CIMIP4: variants seen among roughly 807,000 people sequenced by gnomAD.
CIMIP4 encodes protein EAN57.
chr22:36,996,836 A>G, the CIMIP4 span, among the ~76,000 whole-genome samples: 3 of 152,356 alleles, frequency 2.0e-5, no homozygotes, highest in South Asian at 4.1e-4. Context: ...ACCAATGGAC[A>G]GAATAGAGCC....
chr22:36,995,912 T>C, the CIMIP4 span, among the ~76,000 whole-genome samples: 1 of 152,196 alleles, frequency 6.6e-6, no homozygotes, highest in Non-Finnish European at 1.5e-5. Flanking sequence ...GATGTAATGT[T>C]AGAATCAAGA....
At chr22:37,004,693 CT>C in the CIMIP4 span, among the ~76,000 whole-genome samples, 89 of 145,994 alleles carry the variant, frequency 6.1e-4, no homozygotes, top group Middle Eastern at 3.5e-3. Flanking sequence ...TGTGATCTTT[CT>C]TTTTTTTTTT....
chr22:36,991,609 G>T, the CIMIP4 span: 1 of 1,610,506 alleles, frequency 6.2e-7, no homozygotes, highest in Non-Finnish European at 8.5e-7. Flanking sequence ...ATACCATGAA[G>T]AAACCCCAAG....
At chr22:37,002,329 G>T in the CIMIP4 span, 16 of 1,307,230 alleles carry the variant, frequency 1.2e-5, no homozygotes, top group Admixed American at 3.7e-5. Context: ...AGAAACAGAG[G>T]GGGAGGGAGA....
the CIMIP4 span, among the ~76,000 whole-genome samples, chr22:36,996,066 C>T: frequency 6.6e-6 from 1 of 152,136 alleles, no homozygotes; most frequent in Non-Finnish European, 1.5e-5. Context: ...AATCCCAATT[C>T]TGACCGTCCC....
the CIMIP4 span, chr22:37,004,112 C>A: frequency 2.4e-6 from 3 of 1,272,496 alleles, no homozygotes; most frequent in Non-Finnish European, 2.1e-6. Context: ...AACAGGAAGG[C>A]CTGTGGCTGT....
At chr22:37,003,869 G>T in the CIMIP4 span, 11 of 1,306,992 alleles carry the variant, frequency 8.4e-6, no homozygotes, top group Non-Finnish European at 1.0e-5. Context: ...AACACAAGAC[G>T]GAGCGGGAGG....
the CIMIP4 span, among the ~76,000 whole-genome samples, chr22:37,004,830 G>A: frequency 1.3e-5 from 2 of 152,152 alleles, no homozygotes; most frequent in African/African-American, 4.8e-5. Context: ...TGGGATTACA[G>A]GTGTGCACCA....
chr22:36,999,205 C>A, the CIMIP4 span, among the ~76,000 whole-genome samples: 1 of 151,018 alleles, frequency 6.6e-6, no homozygotes, highest in South Asian at 2.1e-4. Flanking sequence ...GCCTGTAATC[C>A]CAGCACTTTG....
chr22:37,001,601 T>G, the CIMIP4 span, among the ~76,000 whole-genome samples: 28 of 152,214 alleles, frequency 1.8e-4, no homozygotes, highest in African/African-American at 6.3e-4. Context: ...TAAGCCTCGG[T>G]CTCCTTATCT....
chr22:36,993,568 CAA>C, the CIMIP4 span, among the ~76,000 whole-genome samples: 1 of 146,116 alleles, frequency 6.8e-6, no homozygotes, highest in Non-Finnish European at 1.5e-5. Context: ...ACTAAAAATA[CAA>C]AAAAAAAAAT....
chr22:36,991,914 C>T, the CIMIP4 span, among the ~76,000 whole-genome samples: 3 of 152,180 alleles, frequency 2.0e-5, no homozygotes, highest in Non-Finnish European at 2.9e-5. Flanking sequence ...ATACCTGTAA[C>T]TTAGGAAAAC....
chr22:36,994,960 C>T, the CIMIP4 span, among the ~76,000 whole-genome samples: 1 of 152,120 alleles, frequency 6.6e-6, no homozygotes, highest in South Asian at 2.1e-4. Context: ...ACACACAGAT[C>T]ATCTACAAAA....
the CIMIP4 span, among the ~76,000 whole-genome samples, chr22:36,995,781 A>T: frequency 6.6e-6 from 1 of 152,126 alleles, no homozygotes; most frequent in Non-Finnish European, 1.5e-5. Context: ...TTCCACCATG[A>T]TGTGAGGCCT....
chr22:37,000,862 C>T, the CIMIP4 span, among the ~76,000 whole-genome samples: 6 of 152,188 alleles, frequency 3.9e-5, no homozygotes, highest in African/African-American at 1.2e-4. Context: ...AGACTGTGAC[C>T]TTCCAGACTT....
chr22:36,995,218 G>A, the CIMIP4 span, among the ~76,000 whole-genome samples: 1 of 152,234 alleles, frequency 6.6e-6, no homozygotes, highest in Non-Finnish European at 1.5e-5. Context: ...TGGACACAGA[G>A]GGAAAAGGAC....
the CIMIP4 span, among the ~76,000 whole-genome samples, chr22:37,006,328 C>G: frequency 1.9e-3 from 291 of 152,274 alleles, 4 homozygotes; most frequent in Non-Finnish European, 2.6e-4. Context: ...AGAATTATCC[C>G]CAGGCCTTGA....
chr22:36,991,346 A>C, the CIMIP4 span: 1 of 1,577,606 alleles, frequency 6.3e-7, no homozygotes, highest in Admixed American at 1.7e-5. Flanking sequence ...CCCAGACCCC[A>C]GGGATGACTC....
At chr22:36,997,129 T>C in the CIMIP4 span, among the ~76,000 whole-genome samples, 1 of 152,238 alleles carries the variant, frequency 6.6e-6, no homozygotes, top group Admixed American at 6.5e-5. Context: ...GCCTCAGTTT[T>C]ACTACTTTCT....
Sources: allele counts gnomAD v4.1 joint callset (sites outside exome capture counted in the v4.1 genomes callset), GRCh38; gene constraint gnomAD v4.1.1; transcripts MANE v1.5; gene names NCBI Gene and HGNC (gene_info 2026-07-23, HGNC 2026-07-21).